The following AGBL1 variants were observed in gnomAD, a reference collection of about 807,000 sequenced individuals.
AGBL1 encodes AGBL carboxypeptidase 1, also known as cytosolic carboxypeptidase 4.
A neutral mutation model predicts 118.9 loss-of-function variants in AGBL1; 130 were observed. The observed-to-expected ratio is 1.09, with a 90% CI of 0.95 to 1.26. The LOEUF is 1.26. Ranked by LOEUF, AGBL1 falls within the 50% of genes most tolerant of loss-of-function variation. The pLI, the probability that AGBL1 is intolerant of heterozygous loss-of-function variation, is 0.00. For synonymous variants in AGBL1, 555 were observed against 478.9 expected (o/e 1.16, Z -2.08); for missense variants, 1,584 against 1,298.1 (o/e 1.22, Z -3.38).
intron 1 of AGBL1, among the ~76,000 whole-genome samples, chr15:86,105,773 G>A (rs2141518062): frequency 6.6e-6 from 1 of 152,248 alleles, no homozygotes; most frequent in South Asian, 2.1e-4. Flanking sequence ...TCTCTTCTAG[G>A]CCAACCCAAT....
chr15:86,719,787 T>C (rs1268943842), intron 22 of AGBL1, among the ~76,000 whole-genome samples: 1 of 152,234 alleles, frequency 6.6e-6, no homozygotes, highest in Non-Finnish European at 1.5e-5. Context: ...AAGTAATTAG[T>C]CTTTCCAGGT....
At chr15:86,262,585 C>T (rs142101976) in intron 9 of AGBL1, 193 bp from the exon 10 acceptor site, 1 of 654,576 alleles carries the variant, frequency 1.5e-6, no homozygotes, top group Non-Finnish European at 2.8e-6. Context: ...GAGACAAGTC[C>T]TTTATCTTCT....
At chr15:86,380,935 AGTGTGT>A (rs139872296) in intron 17 of AGBL1, among the ~76,000 whole-genome samples, 28,946 of 149,550 alleles carry the variant, frequency 0.19, 3,108 homozygotes, top group African/African-American at 0.3. Context: ...TTACTTATAA[AGTGTGT>A]GTGTGTGTGT....
intron 22 of AGBL1, among the ~76,000 whole-genome samples, chr15:86,840,599 C>T (rs566634878): frequency 1.3e-5 from 2 of 152,178 alleles, no homozygotes; most frequent in East Asian, 3.9e-4. Flanking sequence ...GCGTGTACTA[C>T]CATGCCAAGC....
Position 87,009,090 on chromosome 15 carries a change from A to T in AGBL1, c.3324-19735A>T, listed in dbSNP as rs573756881. On this transcript the variant is annotated intron_variant, in intron 24 of 24. Transcript: ENST00000441037. ...AAGGAGCTGAATATTAATCACCAAG[A>T]CAATGGGGGAAAATGTCTCCAGGGC... Among the ~76,000 whole-genome samples, 18 of 152,306 alleles carry T rather than the reference A, an allele frequency of 1.2e-4. No individual in the cohort carries two copies. The South Asian group carries it at 3.7e-3, about 32-fold the overall frequency.
At chr15:86,562,328 A>C (rs2083837588) in intron 21 of AGBL1, among the ~76,000 whole-genome samples, 1 of 152,132 alleles carries the variant, frequency 6.6e-6, no homozygotes, top group Admixed American at 6.6e-5. Context: ...TCAATACCTA[A>C]TTTCTTGAGA....
chr15:86,139,096 CAG>C (rs1346444144), intron 1 of AGBL1, among the ~76,000 whole-genome samples: 1 of 152,150 alleles, frequency 6.6e-6, no homozygotes, highest in African/African-American at 2.4e-5. Flanking sequence ...CTTGGAGTTT[CAG>C]AGAATGATAT....
At chr15:86,857,597 TC>T (rs1322900741) in intron 22 of AGBL1, among the ~76,000 whole-genome samples, 1 of 152,194 alleles carries the variant, frequency 6.6e-6, no homozygotes, top group Non-Finnish European at 1.5e-5. Flanking sequence ...ATGGAGGCCT[TC>T]CCCGACCCTT....
At chr15:86,385,440 T>C (rs2081170190) in intron 17 of AGBL1, among the ~76,000 whole-genome samples, 1 of 152,182 alleles carries the variant, frequency 6.6e-6, no homozygotes, top group Admixed American at 6.5e-5. Context: ...TCAGACTCAT[T>C]GGAGCAGAAT....
At chr15:86,604,324 T>G (rs1307339782) in intron 21 of AGBL1, among the ~76,000 whole-genome samples, 2 of 152,220 alleles carry the variant, frequency 1.3e-5, no homozygotes, top group East Asian at 3.8e-4. Context: ...TGTTTTATTA[T>G]AATTATTTAT....
chr15:86,847,660 G>A (rs1302979060), intron 22 of AGBL1, among the ~76,000 whole-genome samples: 1 of 152,200 alleles, frequency 6.6e-6, no homozygotes, highest in Non-Finnish European at 1.5e-5. Context: ...ACGGATCTGT[G>A]TATGTGTTGG....
chr15:86,554,516 C>T lies in AGBL1; in HGVS notation c.2973C>T (p.Gly991=). 1 of 1,550,824 alleles carries T rather than the reference C, an allele frequency of 6.4e-7. No individual in the cohort carries two copies. Among genetic ancestry groups the T allele is most frequent in the Non-Finnish European group, 8.7e-7 (1 of 1,151,106 alleles). The change falls in exon 21 of 23, where the codon GGC becomes GGT. Residue 991 remains glycine (G), a synonymous_variant. Transcript: ENST00000614907. ...RSYTMESSYC[G]CNQGPYQGLQ... Reference sequence around the variant, plus strand: ...ACACCATGGAAAGCAGCTACTGTGGCTGCAACCAGGGCCCTTATCAGGTAT... The same window carrying T: ...ACACCATGGAAAGCAGCTACTGTGGTTGCAACCAGGGCCCTTATCAGGTAT...
chr15:86,925,137 A>AGGAGGAGGAGGAGGAG (rs1567242782), intron 23 of AGBL1, among the ~76,000 whole-genome samples: 1 of 25,240 alleles, frequency 4.0e-5, no homozygotes, highest in African/African-American at 8.0e-5. Flanking sequence ...AGGAAGAGGA[A>AGGAGGAGGAGGAGGAG]GAGGAAGAGG....
intron 21 of AGBL1, among the ~76,000 whole-genome samples, chr15:86,631,701 G>A (rs1321773347): frequency 6.6e-6 from 1 of 152,114 alleles, no homozygotes; most frequent in East Asian, 1.9e-4. Context: ...GAGTTCCCAG[G>A]GAGATGCAGA....
intron 21 of AGBL1, among the ~76,000 whole-genome samples, chr15:86,650,806 T>C (rs1404613252): frequency 6.6e-6 from 1 of 152,212 alleles, no homozygotes; most frequent in Non-Finnish European, 1.5e-5. Flanking sequence ...CCCAGACCTA[T>C]GGATTCTGAA....
chr15:86,079,688 TG>T, upstream of AGBL1: 1 of 297,776 alleles, frequency 3.4e-6, no homozygotes, highest in Non-Finnish European at 6.2e-6. Flanking sequence ...GGCCTGGAGG[TG>T]GGTGAGTGAC....
chr15:86,956,217 T>TTAGATAGA (rs57241299), intron 23 of AGBL1, among the ~76,000 whole-genome samples: 4,861 of 147,650 alleles, frequency 0.033, 90 homozygotes, highest in Admixed American at 0.033. Context: ...AGATGATTGA[T>TTAGATAGA]TAGATAGATA....
At chr15:86,262,971 G>C (rs1267000056) in intron 10 of AGBL1, 77 bp downstream of exon 10, 1 of 1,014,422 alleles carries the variant, frequency 9.9e-7, no homozygotes, top group East Asian at 2.6e-5. Context: ...CCAAACCAGG[G>C]TGTCCAGATG....
intron 22 of AGBL1, among the ~76,000 whole-genome samples, chr15:86,706,016 A>G (rs1292731260): frequency 6.6e-6 from 1 of 152,154 alleles, no homozygotes; most frequent in Non-Finnish European, 1.5e-5. Flanking sequence ...ACCAAATGCA[A>G]TAATTCAAGA....
Sources: allele counts gnomAD v4.1 joint callset (sites outside exome capture counted in the v4.1 genomes callset), GRCh38; gene constraint gnomAD v4.1.1; transcripts MANE v1.5; gene names NCBI Gene and HGNC (gene_info 2026-07-23, HGNC 2026-07-21).